Variants in SLC9C2 observed in about 807,000 individuals in gnomAD.
The protein encoded by SLC9C2 is solute carrier family 9 member C2 (putative), also known as sodium/hydrogen exchanger 11.
Under a neutral mutation model 140.2 loss-of-function variants are expected in SLC9C2, and 75 were observed. The observed-to-expected ratio is 0.53, with a 90% confidence interval of 0.44 to 0.65. The LOEUF (loss-of-function observed/expected upper bound fraction) is 0.65. Ranked by LOEUF, SLC9C2 falls within the 30% of genes least tolerant of loss-of-function variation. SLC9C2 has a pLI of 0.00. For synonymous variants in SLC9C2, 375 were observed against 420.9 expected, an observed-to-expected ratio of 0.89 and a Z score of 1.34; for missense variants, 1,074 against 1,331.8, an observed-to-expected ratio of 0.81 and a Z score of 3.01.
At chr1:173,585,947 T>C (rs1425667359) in intron 5 of SLC9C2, among the ~76,000 whole-genome samples, 1 of 151,712 alleles carries the variant, frequency 6.6e-6, no homozygotes, top group Non-Finnish European at 1.5e-5. Flanking sequence ...CAGCCTGGGG[T>C]ATAGAGCGAA....
chr1:173,544,799 T>A (rs561073456), intron 13 of SLC9C2, among the ~76,000 whole-genome samples: 4 of 151,534 alleles, frequency 2.6e-5, no homozygotes, highest in African/African-American at 9.7e-5. Context: ...TAGGTGGGAG[T>A]TGAACAATGA....
In SLC9C2 at chr1:173,524,811, T is replaced by C. The variant is rs745972414; in HGVS notation, c.2482A>G (p.Ile828Val). 19 of 1,613,936 alleles carry C rather than the reference T, an allele frequency of 1.2e-5. No homozygotes were observed. The African/African-American group carries it at 1.7e-4, about 15-fold the overall frequency. ...ATCTCAATGACTTCATGCTTATCAA[T>C]AATGCCTCTTGAACAAAGGAAGGTG... is the stretch of plus-strand genomic sequence containing the variant. ...NLTFLCSRGI[I>V]DKHEVIEINK... The change falls in exon 20 of 28, where the codon ATT (isoleucine) becomes GTT (valine). Residue 828 changes from isoleucine (I) to valine (V), a missense_variant. Physicochemically the swap from Ile to Val is conservative, Grantham distance 29. Transcript: ENST00000367714.
intron 21 of SLC9C2, among the ~76,000 whole-genome samples, chr1:173,523,447 T>C (rs1660970539): frequency 6.6e-6 from 1 of 152,236 alleles, no homozygotes; most frequent in African/African-American, 2.4e-5. Context: ...TTTACTGCCA[T>C]ATCCCAAAAC....
chr1:173,548,493 G>C lies in SLC9C2; in HGVS notation c.1357C>G (p.Gln453Glu). The change falls in exon 12 of 28, where the codon CAG becomes GAG. Residue 453 changes from glutamine (Q) to glutamate (E), a missense_variant. By Grantham distance (29) the Gln-to-Glu change is conservative (BLOSUM62 2). Coordinates refer to ENST00000367714, the MANE Select transcript of SLC9C2 (RefSeq NM_178527.4). ...MILQNATQHI[Q>E]EIVQNTITLF... ...GTTATTGTGTTCTGTACTATCTCCT[G>C]TATGTGCTGAGTGGCATTTTGCAAG... 2 of 1,613,792 alleles carry C rather than the reference G, an allele frequency of 1.2e-6. No homozygotes were observed. Among genetic ancestry groups the C allele is most frequent in the Non-Finnish European group, 1.7e-6 (2 of 1,179,790 alleles).
rs1385288236 is a variant in SLC9C2, at chr1:173,507,122, T to A, written c.3040-81A>T. 2.6e-6 allele frequency: 3 copies of A among 1,137,770 alleles called. No homozygotes were observed. In the African/African-American group the frequency reaches 4.7e-5, roughly 18 times the overall value. 70.5% of individuals were successfully genotyped at this position (1,137,770 alleles called of 1,614,324 possible). A position where few individuals can be genotyped will look rare whatever the true frequency, so the allele number is the denominator to read the frequency against. ...AGAAGAAAACAGATTTACTGATCTA[T>A]CTGAATTATTTGAGGGTGTCAGAAG... On this transcript the variant is annotated intron_variant, in intron 24 of 27. Coordinates refer to ENST00000367714, the MANE Select transcript of SLC9C2 (RefSeq NM_178527.4).
intron 13 of SLC9C2, among the ~76,000 whole-genome samples, chr1:173,544,219 AAAG>A (rs1296324162): frequency 6.6e-6 from 1 of 152,234 alleles, no homozygotes; most frequent in Non-Finnish European, 1.5e-5. Context: ...CCACTTCTCA[AAAG>A]AAGACACTTA....
At chr1:173,548,790 C>T (rs1233990691) in intron 11 of SLC9C2, among the ~76,000 whole-genome samples, 1 of 152,134 alleles carries the variant, frequency 6.6e-6, no homozygotes, top group Non-Finnish European at 1.5e-5. Flanking sequence ...TATTAGTTTC[C>T]TTGCTTTCCC....
intron 11 of SLC9C2, among the ~76,000 whole-genome samples, chr1:173,550,159 T>C (rs1663155901): frequency 1.3e-5 from 2 of 152,094 alleles, no homozygotes; most frequent in South Asian, 4.1e-4. Flanking sequence ...CTCGACACTT[T>C]GGGATGCCAG....
intron 4 of SLC9C2, among the ~76,000 whole-genome samples, chr1:173,591,704 C>T (rs567908341): frequency 6.6e-6 from 1 of 152,068 alleles, no homozygotes; most frequent in South Asian, 2.1e-4. Context: ...TTATCCTTTG[C>T]CCACTTTTTA....
At chr1:173,552,012 C>A (rs1460043636) in intron 11 of SLC9C2, among the ~76,000 whole-genome samples, 3 of 152,168 alleles carry the variant, frequency 2.0e-5, no homozygotes, top group African/African-American at 7.2e-5. Flanking sequence ...CCAGTGAACA[C>A]ACCAATGGTA....
intron 4 of SLC9C2, among the ~76,000 whole-genome samples, chr1:173,591,899 G>C (rs932860486): frequency 2.0e-5 from 3 of 152,008 alleles, no homozygotes; most frequent in Admixed American, 2.0e-4. Context: ...TTTTGCTTTT[G>C]TTGCAGTTGC....
intron 4 of SLC9C2, among the ~76,000 whole-genome samples, chr1:173,590,873 G>A (rs1666121100): frequency 6.6e-6 from 1 of 152,058 alleles, no homozygotes; most frequent in Non-Finnish European, 1.5e-5. Flanking sequence ...AATTTTTCTG[G>A]AATTTTTCAT....
At chr1:173,540,925 T>C (rs1024597167) in intron 13 of SLC9C2, among the ~76,000 whole-genome samples, 1 of 152,210 alleles carries the variant, frequency 6.6e-6, no homozygotes, top group East Asian at 1.9e-4. Flanking sequence ...AGACCATCTA[T>C]GCTGAGAAGA....
intron 23 of SLC9C2, among the ~76,000 whole-genome samples, chr1:173,512,049 C>T (rs1283685734): frequency 6.6e-6 from 1 of 152,190 alleles, no homozygotes; most frequent in Non-Finnish European, 1.5e-5. Context: ...ATTTTGGTTA[C>T]TGTAGCCTTG....
In SLC9C2 at chr1:173,601,712, G is replaced by A; in HGVS notation, c.65C>T (p.Ala22Val). The A allele has an allele frequency of 6.2e-7, 1 of 1,614,110 alleles. No individual in the cohort carries two copies. The highest frequency in any genetic ancestry group is 8.5e-7 in the Non-Finnish European group (1 of 1,179,968). ...ATGTTTCTCTTCAACAAGGTAGTCAGCTGGCTGCCCGCAGAGTAAATCAGG... is the reference window on the plus strand; with the variant it reads ...ATGTTTCTCTTCAACAAGGTAGTCAACTGGCTGCCCGCAGAGTAAATCAGG... ...NRPDLLCGQP[A>V]DYLVEEKHFT... The change falls in exon 2 of 28, where the codon GCT becomes GTT. Residue 22 changes from alanine to valine, a missense_variant. Ala to Val is a moderately conservative substitution (Grantham distance 64). Coordinates refer to ENST00000367714, the MANE Select transcript of SLC9C2 (RefSeq NM_178527.4).
At chr1:173,585,389 AT>A (rs1392493922) in intron 5 of SLC9C2, among the ~76,000 whole-genome samples, 1 of 152,220 alleles carries the variant, frequency 6.6e-6, no homozygotes, top group Non-Finnish European at 1.5e-5. Context: ...GCTTAAAAAA[AT>A]AATGTATTAT....
intron 8 of SLC9C2, among the ~76,000 whole-genome samples, chr1:173,574,505 CTTTTTTT>C (rs746733038): frequency 9.5e-6 from 1 of 104,848 alleles, no homozygotes; most frequent in African/African-American, 4.2e-5. Flanking sequence ...GAGTTAAGTA[CTTTTTTT>C]TTTTTTTTTT....
chr1:173,547,815 TA>T (rs748906320), intron 12 of SLC9C2, 31 bp from the exon 13 acceptor site: 1 of 1,490,328 alleles, frequency 6.7e-7, no homozygotes, highest in East Asian at 2.3e-5. Context: ...TTTTAAAACA[TA>T]AAGGGATAAA....
At chr1:173,543,667 A>G (rs1458777054) in intron 13 of SLC9C2, among the ~76,000 whole-genome samples, 3 of 152,186 alleles carry the variant, frequency 2.0e-5, no homozygotes, top group Non-Finnish European at 4.4e-5. Context: ...GTATAGACCA[A>G]TGGAACAGAA....
Sources: allele counts gnomAD v4.1 joint callset (sites outside exome capture counted in the v4.1 genomes callset), GRCh38; gene constraint gnomAD v4.1.1; transcripts MANE v1.5; gene names NCBI Gene and HGNC (gene_info 2026-07-23, HGNC 2026-07-21).